The following PRKN variants were observed in gnomAD, a reference collection of about 807,000 sequenced individuals.
PRKN encodes E3 ubiquitin-protein ligase parkin.
Under a neutral mutation model 59.5 loss-of-function variants are expected in PRKN, and 56 were observed. That is an observed-to-expected ratio of 0.94 (90% confidence interval 0.76 to 1.18). The LOEUF (loss-of-function observed/expected upper bound fraction) is 1.18. Among genes scored for constraint, PRKN ranks in the 50% most tolerant of loss-of-function variants. The pLI is 0.00. For synonymous variants in PRKN, 250 were observed against 222.1 expected, an observed-to-expected ratio of 1.13 and a Z score of -1.12; for missense variants, 657 against 596.4, an observed-to-expected ratio of 1.10 and a Z score of -1.06.
chr6:161,979,177 T>C (rs1283657571), intron 5 of PRKN, among the ~76,000 whole-genome samples: 1 of 152,078 alleles, frequency 6.6e-6, no homozygotes, highest in Non-Finnish European at 1.5e-5. Flanking sequence ...TTTTTCCAAA[T>C]GATAGCCTAA....
intron 4 of PRKN, among the ~76,000 whole-genome samples, chr6:162,125,648 C>G (rs767742855): frequency 3.3e-5 from 5 of 152,320 alleles, no homozygotes; most frequent in Non-Finnish European, 7.3e-5. Flanking sequence ...AACAAATAGT[C>G]ACTGTGCAAC....
intron 7 of PRKN, among the ~76,000 whole-genome samples, chr6:161,749,214 C>G (rs1788571583): frequency 2.0e-5 from 3 of 152,194 alleles, no homozygotes; most frequent in Non-Finnish European, 1.5e-5. Flanking sequence ...TCGCCTATTT[C>G]TCTGACAAGA....
At chr6:162,120,409 T>G (rs180948061) in intron 4 of PRKN, among the ~76,000 whole-genome samples, 26 of 152,294 alleles carry the variant, frequency 1.7e-4, no homozygotes, top group African/African-American at 6.3e-4. Flanking sequence ...TCATCACAGG[T>G]AGGTATTGCA....
chr6:162,642,258 T>C (rs930974827), intron 1 of PRKN, among the ~76,000 whole-genome samples: 2 of 152,186 alleles, frequency 1.3e-5, no homozygotes, highest in Non-Finnish European at 2.9e-5. Context: ...TTCATCCTTT[T>C]TGCACATTCT....
At chr6:162,035,315 C>T (rs1783798293) in intron 5 of PRKN, among the ~76,000 whole-genome samples, 2 of 152,136 alleles carry the variant, frequency 1.3e-5, no homozygotes, top group African/African-American at 2.4e-5. Context: ...CCACCAGGCC[C>T]CACCTCCAAC....
intron 9 of PRKN, among the ~76,000 whole-genome samples, chr6:161,436,452 G>T (rs1184113761): frequency 4.0e-5 from 4 of 101,180 alleles, no homozygotes; most frequent in African/African-American, 9.3e-5. Context: ...GCAAACTCAA[G>T]ACTTTTTTGG....
At chr6:161,756,138 T>C (rs751898686) in intron 7 of PRKN, among the ~76,000 whole-genome samples, 1 of 152,092 alleles carries the variant, frequency 6.6e-6, no homozygotes, top group Non-Finnish European at 1.5e-5. Flanking sequence ...TAACTAAACA[T>C]TGTATTTAAG....
At chr6:162,359,075 A>ATAT (rs201414794) in intron 2 of PRKN, among the ~76,000 whole-genome samples, 7,188 of 98,608 alleles carry the variant, frequency 0.073, 156 homozygotes, top group Admixed American at 0.09. Context: ...AAAAAAAAAA[A>ATAT]AAAAATATAT....
At chr6:162,248,059 A>T (rs552353432) in intron 3 of PRKN, among the ~76,000 whole-genome samples, 1 of 152,296 alleles carries the variant, frequency 6.6e-6, no homozygotes, top group East Asian at 1.9e-4. Context: ...CTCCCTGGAG[A>T]GAGGAGCTGG....
chr6:162,326,335 G>T (rs939846873), intron 2 of PRKN, among the ~76,000 whole-genome samples: 3 of 152,038 alleles, frequency 2.0e-5, no homozygotes, highest in Non-Finnish European at 4.4e-5. Flanking sequence ...TAAATATTTT[G>T]CATGATACAT....
In PRKN at chr6:161,733,787, T is replaced by A. The variant is rs1383046360; in HGVS notation, c.871+51985A>T. Reference sequence around the variant, plus strand: ...CAGGGGGTGAAAAAAAAAAAAAATATATATATATATGTATATATATATATA... The same window carrying A: ...CAGGGGGTGAAAAAAAAAAAAAATAAATATATATATGTATATATATATATA... On this transcript the variant is annotated intron_variant, in intron 7 of 11. Coordinates refer to ENST00000366898, the MANE Select transcript of PRKN (RefSeq NM_004562.3). Among the ~76,000 whole-genome samples the A allele has an allele frequency of 1.2e-3, 93 of 80,374 alleles. 2 individuals carry two copies. Among genetic ancestry groups the A allele is most frequent in the South Asian group, 2.9e-3 (7 of 2,420 alleles). 52.7% of individuals were successfully genotyped at this position (80,374 alleles called of 152,430 possible).
chr6:162,195,836 A>G (rs1007684188), intron 4 of PRKN, among the ~76,000 whole-genome samples: 2 of 152,196 alleles, frequency 1.3e-5, no homozygotes, highest in Non-Finnish European at 2.9e-5. Context: ...TGGAGGGATT[A>G]GCAATTCATA....
chr6:162,176,196 G>C (rs1783524429), intron 4 of PRKN, among the ~76,000 whole-genome samples: 1 of 152,154 alleles, frequency 6.6e-6, no homozygotes. Flanking sequence ...GGTGGAATTA[G>C]ATGAATAATC....
At chr6:161,420,148 G>A (rs541851044) in intron 9 of PRKN, among the ~76,000 whole-genome samples, 5 of 150,776 alleles carry the variant, frequency 3.3e-5, no homozygotes, top group African/African-American at 1.2e-4. Flanking sequence ...TGAGACAGGA[G>A]AATTGCTTGA....
chr6:161,695,012 C>G (rs1008292815), intron 7 of PRKN, among the ~76,000 whole-genome samples: 11 of 152,122 alleles, frequency 7.2e-5, no homozygotes, highest in African/African-American at 2.7e-4. Flanking sequence ...TTAAAAACCT[C>G]CCCAGGCAAT....
intron 1 of PRKN, among the ~76,000 whole-genome samples, chr6:162,458,458 A>G (rs1266791209): frequency 2.6e-5 from 4 of 151,522 alleles, no homozygotes; most frequent in South Asian, 2.1e-4. Context: ...TTTTTAAATT[A>G]ATAGAGGTTT....
chr6:161,820,470 T>C (rs1023582562), intron 6 of PRKN, among the ~76,000 whole-genome samples: 2 of 148,574 alleles, frequency 1.3e-5, no homozygotes, highest in South Asian at 4.2e-4. Flanking sequence ...TGTTAAAGTT[T>C]ATATGTTTAT....
In PRKN at chr6:161,496,065, C is replaced by T. The variant is rs1379781672; in HGVS notation, c.1083+52789G>A. 2.6e-5 allele frequency among the ~76,000 whole-genome samples: 4 copies of T among 152,190 alleles called. No individual in the cohort carries two copies. In the East Asian group the frequency reaches 7.7e-4, roughly 29 times the overall value. ...GCACAGTGCTTAGCACATAGAAGTGCCAAACATTTGTTCAAAGAATAAATG... is the reference window on the plus strand; with the variant it reads ...GCACAGTGCTTAGCACATAGAAGTGTCAAACATTTGTTCAAAGAATAAATG... On this transcript the variant is annotated intron_variant, in intron 9 of 11. Coordinates refer to ENST00000366898, the MANE Select transcript of PRKN (RefSeq NM_004562.3).
intron 1 of PRKN, among the ~76,000 whole-genome samples, chr6:162,639,736 A>G (rs766891503): frequency 1.5e-4 from 23 of 152,126 alleles, no homozygotes; most frequent in Non-Finnish European, 2.8e-4. Context: ...ATGATTATAA[A>G]TAATCCTCAA....
Sources: allele counts gnomAD v4.1 joint callset (sites outside exome capture counted in the v4.1 genomes callset), GRCh38; gene constraint gnomAD v4.1.1; transcripts MANE v1.5; gene names NCBI Gene and HGNC (gene_info 2026-07-23, HGNC 2026-07-21).